Variants in KDM3B observed in about 807,000 individuals in gnomAD.
KDM3B encodes lysine demethylase 3B.
A neutral mutation model predicts 170.0 loss-of-function variants in KDM3B; 10 were observed. The ratio of observed to expected loss-of-function variants is 0.06; its 90% CI spans 0.04 to 0.10. KDM3B has a LOEUF of 0.10. Ranked by LOEUF, KDM3B falls within the 10% of genes least tolerant of loss-of-function variation. The pLI, the probability that KDM3B is intolerant of heterozygous loss-of-function variation, is 1.00. For synonymous variants in KDM3B, 831 were observed against 834.8 expected (o/e 1.00, Z 0.08); for missense variants, 1,394 against 2,195.2 (o/e 0.64, Z 7.29).
At chr5:138,371,736 A>G (rs984963854) in intron 1 of KDM3B, among the ~76,000 whole-genome samples, 3 of 152,128 alleles carry the variant, frequency 2.0e-5, no homozygotes, top group Non-Finnish European at 2.9e-5. Flanking sequence ...AGGTCAGGGT[A>G]GGAGGATCAC....
intron 1 of KDM3B, among the ~76,000 whole-genome samples, chr5:138,371,749 G>A (rs1338923243): frequency 2.0e-5 from 3 of 152,106 alleles, no homozygotes; most frequent in African/African-American, 7.2e-5. Context: ...AGGATCACTT[G>A]AGCCCAGAAG....
At chr5:138,404,217 C>A (rs1226463995) in intron 11 of KDM3B, among the ~76,000 whole-genome samples, 6 of 152,056 alleles carry the variant, frequency 3.9e-5, no homozygotes, top group Admixed American at 2.6e-4. Context: ...TAAATAAAAC[C>A]AAAAAATTTC....
chr5:138,367,273 T>C (rs1580881198), intron 1 of KDM3B, among the ~76,000 whole-genome samples: 1 of 152,224 alleles, frequency 6.6e-6, no homozygotes, highest in African/African-American at 2.4e-5. Context: ...TTGATATTCT[T>C]GGCCCTGTCA....
intron 5 of KDM3B, among the ~76,000 whole-genome samples, chr5:138,380,843 A>G (rs1762108288): frequency 6.7e-6 from 1 of 149,940 alleles, no homozygotes; most frequent in Non-Finnish European, 1.5e-5. Flanking sequence ...GGTTACAGGC[A>G]TGATCCACCA....
intron 10 of KDM3B, among the ~76,000 whole-genome samples, chr5:138,399,213 A>ATCTT (rs1466952002): frequency 6.6e-6 from 1 of 151,500 alleles, no homozygotes; most frequent in Non-Finnish European, 1.5e-5. Flanking sequence ...CAAGGGAGGA[A>ATCTT]TCCTCTTATT....
At chr5:138,406,705 A>G (rs565784147) in intron 11 of KDM3B, among the ~76,000 whole-genome samples, 1 of 152,316 alleles carries the variant, frequency 6.6e-6, no homozygotes, top group Admixed American at 6.5e-5. Context: ...AAGATATTTT[A>G]TATGTGCTAA....
At chr5:138,355,783 A>G (rs1761434094) in intron 1 of KDM3B, among the ~76,000 whole-genome samples, 2 of 152,210 alleles carry the variant, frequency 1.3e-5, no homozygotes, top group Admixed American at 1.3e-4. Flanking sequence ...AAAACAGACC[A>G]AAAAAAGAAA....
Position 138,392,040 on chromosome 5 carries a change from G to A in KDM3B, c.2408G>A (p.Ser803Asn). 1.2e-6 allele frequency: 2 copies of A among 1,614,084 alleles called. No individual in the cohort carries two copies. Among genetic ancestry groups the A allele is most frequent in the South Asian group, 1.1e-5 (1 of 91,088 alleles). Residue 803 changes from serine to asparagine, a missense_variant, in exon 8 of 24, where the codon AGC becomes AAC. Physicochemically the swap from Ser to Asn is conservative, Grantham distance 46 (BLOSUM62 1). Transcript: ENST00000314358. ...AVKRFSLDER[S>N]LACRQDSDSS... ...AAAAGGTTCTCACTGGATGAACGAAGCTTGGCTTGCAGACAAGACTCGGAC... is the reference window on the plus strand; with the variant it reads ...AAAAGGTTCTCACTGGATGAACGAAACTTGGCTTGCAGACAAGACTCGGAC...
intron 11 of KDM3B, among the ~76,000 whole-genome samples, chr5:138,410,090 GAAAAA>G (rs1267249170): frequency 8.7e-6 from 1 of 114,834 alleles, no homozygotes; most frequent in Non-Finnish European, 1.8e-5. Context: ...CTTCTTAAAA[GAAAAA>G]AAGAAAAGAA....
chr5:138,366,458 G>A (rs1761747677), intron 1 of KDM3B, among the ~76,000 whole-genome samples: 2 of 152,048 alleles, frequency 1.3e-5, no homozygotes, highest in South Asian at 4.1e-4. Context: ...AGCCTCCCAA[G>A]TAGCTGAGAC....
intron 1 of KDM3B, among the ~76,000 whole-genome samples, chr5:138,368,395 GT>G (rs36060903): frequency 6.7e-5 from 10 of 148,442 alleles, no homozygotes; most frequent in African/African-American, 9.9e-5. Flanking sequence ...ACCATGCCTG[GT>G]TTTTTTTTTC....
rs770917876 is a variant in KDM3B at position 138,429,883 on chromosome 5, A to G, written c.4811A>G (p.His1604Arg). The G allele has an allele frequency of 1.9e-6, 3 of 1,614,264 alleles. No homozygotes were observed. Among genetic ancestry groups the G allele is most frequent in the Admixed American group, 1.7e-5 (1 of 60,038 alleles). The change falls in exon 21 of 24, where the codon CAT becomes CGT. Residue 1604 changes from histidine to arginine, a missense_variant. Around this residue, in one of 19 missense-constraint regions of KDM3B, gnomAD observed 79 missense variants for 270.5 expected, o/e 0.29. Coordinates refer to ENST00000314358, the MANE Select transcript of KDM3B (RefSeq NM_016604.4). ...GATGAGGTGACGAAGCAGAGGATTC[A>G]TGATGGAAAAGAGAAGCCAGGTGCT... The part of the protein sequence containing the change: ...DADEVTKQRI[H>R]DGKEKPGALW...
chr5:138,428,947 T>C (rs531269072), intron 20 of KDM3B, among the ~76,000 whole-genome samples: 33,234 of 140,490 alleles, frequency 0.24, 3,998 homozygotes, highest in East Asian at 0.52. Flanking sequence ...TTTCTTTTTT[T>C]TTTTTTTTTT....
intron 11 of KDM3B, among the ~76,000 whole-genome samples, chr5:138,408,247 G>C (rs548277916): frequency 6.6e-6 from 1 of 152,100 alleles, no homozygotes; most frequent in Non-Finnish European, 1.5e-5. Flanking sequence ...AGACGCCGCC[G>C]CCTCAAGCCT....
intron 13 of KDM3B, 71 bp downstream of exon 13, chr5:138,417,681 A>G (rs1401743493): frequency 6.7e-7 from 1 of 1,502,400 alleles, no homozygotes; most frequent in Non-Finnish European, 9.2e-7. Flanking sequence ...CCCCCTTTTC[A>G]ACTCTGTTAT....
chr5:138,415,797 A>G (rs576357472), intron 12 of KDM3B, among the ~76,000 whole-genome samples: 2 of 151,766 alleles, frequency 1.3e-5, no homozygotes, highest in Admixed American at 6.6e-5. Context: ...GCCACTGCAC[A>G]CTCTGCTCCC....
chr5:138,363,145 A>G (rs1430206478), intron 1 of KDM3B, among the ~76,000 whole-genome samples: 1 of 151,984 alleles, frequency 6.6e-6, no homozygotes, highest in Non-Finnish European at 1.5e-5. Flanking sequence ...TTGCTTATCT[A>G]TTCTACTAGA....
At chr5:138,365,329 C>G (rs1339268052) in intron 1 of KDM3B, among the ~76,000 whole-genome samples, 2 of 152,228 alleles carry the variant, frequency 1.3e-5, no homozygotes, top group East Asian at 3.9e-4. Flanking sequence ...GGGGTGATCA[C>G]TCACTGCAAC....
At chr5:138,380,302 T>C (rs1207362085) in intron 5 of KDM3B, among the ~76,000 whole-genome samples, 1 of 149,058 alleles carries the variant, frequency 6.7e-6, no homozygotes, top group Non-Finnish European at 1.5e-5. Context: ...ATTATTATAT[T>C]ATATTTATTT....
Sources: gnomAD v4.1 joint callset for allele counts (sites outside exome capture counted in the v4.1 genomes callset) on GRCh38, gnomAD v4.1.1 for gene constraint, gnomAD v4.1.1 regional missense constraint, MANE v1.5 for transcripts, NCBI Gene and HGNC (gene_info 2026-07-23, HGNC 2026-07-21) for gene names.